The following PITPNC1 variants were observed in gnomAD, a reference collection of about 807,000 sequenced individuals.
The protein encoded by PITPNC1 is cytoplasmic phosphatidylinositol transfer protein 1.
PITPNC1 carries 18 observed loss-of-function variants against 44.7 expected under a neutral mutation model. The observed-to-expected ratio is 0.40, with a 90% confidence interval of 0.28 to 0.60. The LOEUF (loss-of-function observed/expected upper bound fraction) is 0.60. PITPNC1 is among the 20% of genes least tolerant of loss of function. The probability of loss-of-function intolerance (pLI) is 0.39; values close to 1 mark genes in which losing one functional copy is unlikely to be tolerated. For synonymous variants in PITPNC1, 141 were observed against 149.6 expected, an observed-to-expected ratio of 0.94 and a Z score of 0.42; for missense variants, 290 against 418.4, an observed-to-expected ratio of 0.69 and a Z score of 2.68.
intron 4 of PITPNC1, among the ~76,000 whole-genome samples, chr17:67,555,755 AAT>A (rs1385121805): frequency 6.6e-6 from 1 of 151,768 alleles, no homozygotes; most frequent in African/African-American, 2.4e-5. Flanking sequence ...GAGACAGGAG[AAT>A]CATTTGAACC....
At chr17:67,662,127 G>A (rs1414310506) in intron 6 of PITPNC1, among the ~76,000 whole-genome samples, 1 of 152,042 alleles carries the variant, frequency 6.6e-6, no homozygotes, top group Non-Finnish European at 1.5e-5. Context: ...TTTATAATAT[G>A]TCATTTACAT....
At chr17:67,487,868 T>C (rs952803960) in intron 1 of PITPNC1, among the ~76,000 whole-genome samples, 3 of 152,188 alleles carry the variant, frequency 2.0e-5, no homozygotes, top group Admixed American at 6.5e-5. Context: ...TCCCAGGAGA[T>C]GTCTTCGCAT....
chr17:67,546,175 T>TCAAAAA (rs72432781), intron 2 of PITPNC1, among the ~76,000 whole-genome samples: 6 of 148,444 alleles, frequency 4.0e-5, no homozygotes, highest in African/African-American at 1.5e-4. Context: ...AGACTCCATC[T>TCAAAAA]CAAAAACAAA....
At chr17:67,579,024 G>A (rs866740904) in intron 5 of PITPNC1, among the ~76,000 whole-genome samples, 4 of 152,218 alleles carry the variant, frequency 2.6e-5, no homozygotes, top group African/African-American at 9.6e-5. Flanking sequence ...TCAGATATGT[G>A]TGTGCATACT....
intron 8 of PITPNC1, among the ~76,000 whole-genome samples, chr17:67,690,025 A>G (rs371073503): frequency 6.6e-6 from 1 of 152,228 alleles, no homozygotes; most frequent in South Asian, 2.1e-4. Flanking sequence ...TCTTATCCAC[A>G]TAGTCATAAT....
chr17:67,615,843 T>A (rs563703175), intron 5 of PITPNC1, among the ~76,000 whole-genome samples: 109 of 152,300 alleles, frequency 7.2e-4, no homozygotes, highest in African/African-American at 2.4e-3. Flanking sequence ...GAAACCGTTC[T>A]GCGTCGCTGG....
At chr17:67,404,878 C>A (rs1181009315) in intron 1 of PITPNC1, among the ~76,000 whole-genome samples, 1 of 152,014 alleles carries the variant, frequency 6.6e-6, no homozygotes, top group African/African-American at 2.4e-5. Context: ...TTTTAACTCC[C>A]TATAGGAGCT....
intron 1 of PITPNC1, among the ~76,000 whole-genome samples, chr17:67,403,454 A>G (rs1425607598): frequency 6.6e-6 from 1 of 152,178 alleles, no homozygotes; most frequent in Non-Finnish European, 1.5e-5. Context: ...GGTGAAGCCA[A>G]CTTTTTTAGT....
intron 2 of PITPNC1, among the ~76,000 whole-genome samples, chr17:67,551,593 A>G (rs2040763947): frequency 6.6e-6 from 1 of 152,272 alleles, no homozygotes; most frequent in South Asian, 2.1e-4. Context: ...GATACCAGTC[A>G]TTGGAGTTAG....
chr17:67,681,080 G>A (rs907520508), intron 8 of PITPNC1, among the ~76,000 whole-genome samples: 2 of 152,190 alleles, frequency 1.3e-5, no homozygotes, highest in East Asian at 1.9e-4. Context: ...GAAAATTCAC[G>A]CTTGCAGATG....
intron 1 of PITPNC1, among the ~76,000 whole-genome samples, chr17:67,423,885 A>G (rs2038704552): frequency 1.3e-5 from 2 of 152,252 alleles, no homozygotes; most frequent in African/African-American, 4.8e-5. Flanking sequence ...TTCAGGGCTG[A>G]AACTTCGGGA....
At chr17:67,411,528 A>C (rs944922407) in intron 1 of PITPNC1, among the ~76,000 whole-genome samples, 2 of 152,102 alleles carry the variant, frequency 1.3e-5, no homozygotes, top group Non-Finnish European at 2.9e-5. Flanking sequence ...AATGCCACTT[A>C]TGAGGCATGA....
chr17:67,684,113 A>T (rs1459994688), intron 8 of PITPNC1, among the ~76,000 whole-genome samples: 22 of 135,898 alleles, frequency 1.6e-4, no homozygotes, highest in African/African-American at 3.3e-4. Flanking sequence ...AAAATAACAA[A>T]TTTTTTTTTT....
chr17:67,412,702 G>T (rs1466977741), intron 1 of PITPNC1, among the ~76,000 whole-genome samples: 1 of 152,048 alleles, frequency 6.6e-6, no homozygotes, highest in Non-Finnish European at 1.5e-5. Context: ...GAGAAGCTGG[G>T]ATTACAGGCG....
intron 5 of PITPNC1, among the ~76,000 whole-genome samples, chr17:67,591,540 T>C (rs1485005986): frequency 6.6e-6 from 1 of 152,218 alleles, no homozygotes; most frequent in Admixed American, 6.6e-5. Context: ...ATATCTGCAA[T>C]GTTTTCTCAA....
chr17:67,453,518 C>G (rs1429883937), intron 1 of PITPNC1, among the ~76,000 whole-genome samples: 2 of 152,138 alleles, frequency 1.3e-5, no homozygotes, highest in Non-Finnish European at 2.9e-5. Context: ...CTGCCACTCC[C>G]CTCTGCCCTC....
At chr17:67,486,679 A>G (rs1436724096) in intron 1 of PITPNC1, among the ~76,000 whole-genome samples, 1 of 152,194 alleles carries the variant, frequency 6.6e-6, no homozygotes, top group Non-Finnish European at 1.5e-5. Flanking sequence ...TTGAATCTGT[A>G]GACACATAAC....
intron 1 of PITPNC1, among the ~76,000 whole-genome samples, chr17:67,461,982 TC>T (rs753859548): frequency 1.4e-4 from 22 of 152,158 alleles, no homozygotes; most frequent in Non-Finnish European, 2.2e-4. Context: ...TTTCTGGACT[TC>T]CTGCTCATCC....
chr17:67,675,651 C>T (rs936544120), intron 8 of PITPNC1, 109 bp downstream of exon 8: 10 of 749,632 alleles, frequency 1.3e-5, no homozygotes, highest in African/African-American at 5.2e-5. Context: ...AAGGCAAGGC[C>T]GCTGCTTCCT....
Sources: gnomAD v4.1 joint callset for allele counts (sites outside exome capture counted in the v4.1 genomes callset) on GRCh38, gnomAD v4.1.1 for gene constraint, MANE v1.5 for transcripts, NCBI Gene and HGNC (gene_info 2026-07-23, HGNC 2026-07-21) for gene names.